CSNK2A2IP: variants seen among roughly 807,000 people sequenced by gnomAD.
The protein encoded by CSNK2A2IP is casein kinase II subunit alpha'-interacting protein.
the CSNK2A2IP span, among the ~76,000 whole-genome samples, chr3:88,352,250 T>C: frequency 1.8e-3 from 268 of 152,294 alleles, 3 homozygotes; most frequent in Non-Finnish European, 2.4e-3. Flanking sequence ...TCTGAATACA[T>C]GCAGACATAA....
At chr3:88,415,842 G>T in the CSNK2A2IP span, among the ~76,000 whole-genome samples, 1 of 151,924 alleles carries the variant, frequency 6.6e-6, no homozygotes, top group Non-Finnish European at 1.5e-5. Flanking sequence ...AATCATTTTG[G>T]CAGTGTGACC....
At chr3:88,462,744 A>C in the CSNK2A2IP span, among the ~76,000 whole-genome samples, 1 of 152,212 alleles carries the variant, frequency 6.6e-6, no homozygotes, top group Non-Finnish European at 1.5e-5. Flanking sequence ...GAAGATATAG[A>C]AAAAGACTTC....
the CSNK2A2IP span, among the ~76,000 whole-genome samples, chr3:88,389,894 A>T: frequency 6.6e-6 from 1 of 151,882 alleles, no homozygotes; most frequent in African/African-American, 2.4e-5. Flanking sequence ...CTATAAAAGT[A>T]ATGGCTGGGT....
At chr3:88,339,838 G>A in the CSNK2A2IP span, among the ~76,000 whole-genome samples, 1 of 152,018 alleles carries the variant, frequency 6.6e-6, no homozygotes, top group African/African-American at 2.4e-5. Flanking sequence ...AGAACCTATG[G>A]TTGTGTCCTT....
the CSNK2A2IP span, among the ~76,000 whole-genome samples, chr3:88,376,911 C>A: frequency 1.3e-5 from 2 of 151,732 alleles, no homozygotes; most frequent in African/African-American, 4.8e-5. Flanking sequence ...TTCTTTTTTG[C>A]AACTCTTTTG....
the CSNK2A2IP span, among the ~76,000 whole-genome samples, chr3:88,460,813 C>T: frequency 2.6e-5 from 4 of 152,216 alleles, no homozygotes; most frequent in East Asian, 1.9e-4. Context: ...TGAGGATGGA[C>T]GCCATGGCTC....
At chr3:88,370,586 C>CTT in the CSNK2A2IP span, among the ~76,000 whole-genome samples, 3 of 140,676 alleles carry the variant, frequency 2.1e-5, no homozygotes, top group Non-Finnish European at 3.2e-5. Context: ...CTTTCTCTCT[C>CTT]TCTTTCTTTC....
At chr3:88,403,261 TA>T in the CSNK2A2IP span, among the ~76,000 whole-genome samples, 1 of 152,060 alleles carries the variant, frequency 6.6e-6, no homozygotes, top group Admixed American at 6.6e-5. Flanking sequence ...GCAATATTTT[TA>T]TTAGGTTTTT....
the CSNK2A2IP span, among the ~76,000 whole-genome samples, chr3:88,410,853 G>A: frequency 6.6e-6 from 1 of 151,938 alleles, no homozygotes; most frequent in Non-Finnish European, 1.5e-5. Context: ...TTAAAGTAAA[G>A]ACTTTTGTTA....
chr3:88,360,437 G>A, the CSNK2A2IP span, among the ~76,000 whole-genome samples: 4 of 152,068 alleles, frequency 2.6e-5, no homozygotes, highest in Non-Finnish European at 5.9e-5. Context: ...CCGGCCAAGA[G>A]TTTTTGTCTT....
At chr3:88,352,453 C>T in the CSNK2A2IP span, among the ~76,000 whole-genome samples, 1 of 152,032 alleles carries the variant, frequency 6.6e-6, no homozygotes, top group African/African-American at 2.4e-5. Context: ...ATGGCAAGAT[C>T]ATGTGAAAGA....
the CSNK2A2IP span, among the ~76,000 whole-genome samples, chr3:88,338,939 A>G: frequency 6.6e-6 from 1 of 152,020 alleles, no homozygotes; most frequent in Non-Finnish European, 1.5e-5. Context: ...TTATGGGTAC[A>G]TAATAGTTGT....
At chr3:88,400,264 A>G in the CSNK2A2IP span, among the ~76,000 whole-genome samples, 1 of 152,166 alleles carries the variant, frequency 6.6e-6, no homozygotes, top group South Asian at 2.1e-4. Flanking sequence ...CCCTGCCAGT[A>G]ATGAGACTGG....
the CSNK2A2IP span, among the ~76,000 whole-genome samples, chr3:88,352,854 A>G: frequency 6.6e-6 from 1 of 152,194 alleles, no homozygotes; most frequent in African/African-American, 2.4e-5. Context: ...GTTTCTTGAC[A>G]GTTTATTACT....
the CSNK2A2IP span, among the ~76,000 whole-genome samples, chr3:88,448,040 G>C: frequency 1.4e-4 from 22 of 152,226 alleles, no homozygotes; most frequent in Non-Finnish European, 2.4e-4. Context: ...ATTGTCTAGG[G>C]TCAATTGTAT....
At chr3:88,375,024 G>A in the CSNK2A2IP span, among the ~76,000 whole-genome samples, 1 of 151,528 alleles carries the variant, frequency 6.6e-6, no homozygotes. Flanking sequence ...AAAATTACCG[G>A]CAAGAAAGAA....
chr3:88,443,548 T>C, the CSNK2A2IP span, among the ~76,000 whole-genome samples: 3 of 152,094 alleles, frequency 2.0e-5, no homozygotes, highest in African/African-American at 7.2e-5. Flanking sequence ...GAGGAGATGG[T>C]GGTTCTGAAG....
the CSNK2A2IP span, among the ~76,000 whole-genome samples, chr3:88,394,240 T>C: frequency 6.6e-6 from 1 of 152,236 alleles, no homozygotes; most frequent in Admixed American, 6.5e-5. Context: ...TTTTCCAAAG[T>C]GAATGTACCA....
chr3:88,380,795 T>C, the CSNK2A2IP span, among the ~76,000 whole-genome samples: 616 of 151,338 alleles, frequency 4.1e-3, 4 homozygotes, highest in African/African-American at 0.014. Flanking sequence ...AAAAAGAGAG[T>C]AAAGGGTGTA....
Sources: gnomAD v4.1 joint callset for allele counts (sites outside exome capture counted in the v4.1 genomes callset) on GRCh38, gnomAD v4.1.1 for gene constraint, MANE v1.5 for transcripts, NCBI Gene and HGNC (gene_info 2026-07-23, HGNC 2026-07-21) for gene names.